The following ST3GAL5 variants were observed in gnomAD, a reference collection of about 807,000 sequenced individuals.
ST3GAL5 encodes the protein ST3 beta-galactoside alpha-2,3-sialyltransferase 5, also known as lactosylceramide alpha-2,3-sialyltransferase.
A neutral mutation model predicts 46.1 loss-of-function variants in ST3GAL5; 25 were observed. That is an observed-to-expected ratio of 0.54 (90% confidence interval 0.40 to 0.76). ST3GAL5 has a LOEUF of 0.76. Ranked by LOEUF, ST3GAL5 falls within the 30% of genes least tolerant of loss-of-function variation. The pLI, the probability that ST3GAL5 is intolerant of heterozygous loss-of-function variation, is 0.00. For missense variants in ST3GAL5, 431 were observed against 521.2 expected (o/e 0.83, Z 1.69); for synonymous variants, 182 against 192.7 (o/e 0.94, Z 0.46).
At chr2:85,847,111 C>T (rs181114846) in intron 4 of ST3GAL5, among the ~76,000 whole-genome samples, 1 of 152,136 alleles carries the variant, frequency 6.6e-6, no homozygotes, top group Non-Finnish European at 1.5e-5. Flanking sequence ...AATTTTTAAA[C>T]AGTGAAACCA....
At chr2:85,840,473 G>C in intron 6 of ST3GAL5, 81 bp from the exon 7 acceptor site, 4 of 1,488,672 alleles carry the variant, frequency 2.7e-6, no homozygotes, top group Non-Finnish European at 3.7e-6. Context: ...CACATGCTAC[G>C]CAGAGTCATG....
intron 3 of ST3GAL5, chr2:85,860,862 G>A: frequency 3.3e-6 from 1 of 306,144 alleles, no homozygotes; most frequent in Non-Finnish European, 6.2e-6. Context: ...AAAGAAAAAA[G>A]AAAGAATTTC....
intron 1 of ST3GAL5, among the ~76,000 whole-genome samples, chr2:85,871,770 TG>T (rs1322768112): frequency 6.6e-6 from 1 of 152,140 alleles, no homozygotes. Context: ...GGGGAGGACC[TG>T]GAACAAGAGG....
intron 1 of ST3GAL5, among the ~76,000 whole-genome samples, chr2:85,870,986 T>G (rs1020777317): frequency 1.3e-5 from 2 of 152,132 alleles, no homozygotes; most frequent in Non-Finnish European, 1.5e-5. Flanking sequence ...TGCATACAAT[T>G]TACAATGATC....
intron 1 of ST3GAL5, among the ~76,000 whole-genome samples, chr2:85,870,598 G>A (rs1351023097): frequency 6.6e-6 from 1 of 151,992 alleles, no homozygotes; most frequent in South Asian, 2.1e-4. Flanking sequence ...ATATTAAAAT[G>A]TAACAGATTC....
At chr2:85,863,748 C>T (rs1203799380) in intron 1 of ST3GAL5, among the ~76,000 whole-genome samples, 1 of 151,390 alleles carries the variant, frequency 6.6e-6, no homozygotes, top group Non-Finnish European at 1.5e-5. Context: ...TGCTCTGTTG[C>T]CCAGGCTGGA....
intron 6 of ST3GAL5, among the ~76,000 whole-genome samples, chr2:85,842,917 C>T (rs921012340): frequency 1.3e-5 from 2 of 152,198 alleles, no homozygotes; most frequent in Non-Finnish European, 2.9e-5. Context: ...CGCGCCACCA[C>T]GCCTGGCTAA....
chr2:85,855,410 G>T (rs1458477335), intron 3 of ST3GAL5: 1 of 152,116 alleles, frequency 6.6e-6, no homozygotes, highest in Non-Finnish European at 1.5e-5. Flanking sequence ...CCAGTCTTAG[G>T]TATGTCTTTA....
intron 2 of ST3GAL5, among the ~76,000 whole-genome samples, chr2:85,861,900 T>A (rs973035644): frequency 3.3e-5 from 5 of 152,050 alleles, no homozygotes; most frequent in Admixed American, 6.6e-5. Context: ...TTTTACTAAG[T>A]TCTCCAGTGA....
At chr2:85,857,875 C>G (rs866893956) in intron 3 of ST3GAL5, among the ~76,000 whole-genome samples, 4 of 152,260 alleles carry the variant, frequency 2.6e-5, no homozygotes, top group Middle Eastern at 3.4e-3. Context: ...ACAGGAAGAG[C>G]AGGTGACTCT....
chr2:85,873,300 T>C lies in ST3GAL5; in HGVS notation c.83-9815A>G, dbSNP rs73945531. Among the ~76,000 whole-genome samples, 1,448 of 152,086 alleles carry C rather than the reference T, an allele frequency of 9.5e-3. 23 individuals are homozygous for C. Among genetic ancestry groups the C allele is most frequent in the African/African-American group, 0.032 (1,321 of 41,478 alleles). On this transcript the variant is annotated intron_variant, in intron 1 of 6. Transcript: ENST00000638572. Reference sequence around the variant, plus strand: ...TTTGCTCAGCTCTGCCCAGGCCTACTCTCTTCATCCTGGGAACTCCCTCAG... The same window carrying C: ...TTTGCTCAGCTCTGCCCAGGCCTACCCTCTTCATCCTGGGAACTCCCTCAG...
At chr2:85,871,666 G>C (rs950903282) in intron 1 of ST3GAL5, among the ~76,000 whole-genome samples, 1 of 152,136 alleles carries the variant, frequency 6.6e-6, no homozygotes, top group African/African-American at 2.4e-5. Flanking sequence ...TAACCTGCCA[G>C]AGGACACACA....
chr2:85,843,936 T>G (rs189110683), intron 6 of ST3GAL5, among the ~76,000 whole-genome samples: 1 of 152,342 alleles, frequency 6.6e-6, no homozygotes, highest in East Asian at 1.9e-4. Context: ...GATTAACTTT[T>G]ATAACTATCA....
chr2:85,871,804 G>T (rs1235181738), intron 1 of ST3GAL5, among the ~76,000 whole-genome samples: 1 of 152,154 alleles, frequency 6.6e-6, no homozygotes, highest in Non-Finnish European at 1.5e-5. Flanking sequence ...ATGTCGGGAG[G>T]GGGCTGCTTT....
chr2:85,869,894 C>G (rs1685723744), intron 1 of ST3GAL5, among the ~76,000 whole-genome samples: 1 of 152,208 alleles, frequency 6.6e-6, no homozygotes, highest in Non-Finnish European at 1.5e-5. Flanking sequence ...GCTAGAGACA[C>G]AGGGTGTCAC....
intron 5 of ST3GAL5, chr2:85,844,761 G>A: frequency 7.8e-6 from 5 of 638,320 alleles, no homozygotes; most frequent in Non-Finnish European, 1.4e-5. Context: ...CTTCACACAG[G>A]CGGCACTGGA....
intron 3 of ST3GAL5, chr2:85,853,956 A>T (rs911525044): frequency 6.6e-6 from 1 of 152,204 alleles, no homozygotes; most frequent in Non-Finnish European, 1.5e-5. Flanking sequence ...ACTTAAAAAA[A>T]TTCTCTAGTA....
chr2:85,846,832 C>T (rs1479486565), intron 4 of ST3GAL5: 2 of 367,320 alleles, frequency 5.4e-6, no homozygotes, highest in Non-Finnish European at 9.9e-6. Context: ...AAGCATATTA[C>T]ATTTGGGACT....
intron 1 of ST3GAL5, chr2:85,867,556 A>T (rs371273625): frequency 7.7e-6 from 6 of 780,368 alleles, no homozygotes; most frequent in African/African-American, 3.4e-5. Context: ...GCCAAGGAAG[A>T]GGCTGACGAA....
Sources: gnomAD v4.1 joint callset for allele counts (sites outside exome capture counted in the v4.1 genomes callset) on GRCh38, gnomAD v4.1.1 for gene constraint, MANE v1.5 for transcripts, NCBI Gene and HGNC (gene_info 2026-07-23, HGNC 2026-07-21) for gene names.